Variants in PLCH1 observed in about 807,000 individuals in gnomAD.
PLCH1 encodes the protein 1-phosphatidylinositol 4,5-bisphosphate phosphodiesterase eta-1.
A neutral mutation model predicts 126.7 loss-of-function variants in PLCH1; 60 were observed. That is an observed-to-expected ratio of 0.47 (90% CI 0.38 to 0.59). The LOEUF is 0.59. PLCH1 is among the 20% of genes least tolerant of loss of function. PLCH1 has a pLI of 0.00. For missense variants in PLCH1, 1,723 were observed against 2,040.0 expected, an observed-to-expected ratio of 0.84 and a Z score of 2.99; for synonymous variants, 719 against 734.9, an observed-to-expected ratio of 0.98 and a Z score of 0.35.
intron 2 of PLCH1, among the ~76,000 whole-genome samples, chr3:155,607,608 T>A (rs940669479): frequency 2.0e-5 from 3 of 152,052 alleles, no homozygotes; most frequent in Non-Finnish European, 4.4e-5. Context: ...ACCTGGCTAA[T>A]TTTTGTATTT....
chr3:155,734,449 G>T (rs1315599551), intron 1 of PLCH1, among the ~76,000 whole-genome samples: 3 of 152,014 alleles, frequency 2.0e-5, no homozygotes, highest in Non-Finnish European at 4.4e-5. Context: ...AACAGAGTGA[G>T]ACCCTATCTC....
intron 10 of PLCH1, among the ~76,000 whole-genome samples, chr3:155,543,597 A>G (rs1274862431): frequency 6.6e-6 from 1 of 152,212 alleles, no homozygotes; most frequent in Non-Finnish European, 1.5e-5. Flanking sequence ...CAGATTCACC[A>G]AAGTTGAAAT....
Position 155,490,771 on chromosome 3 carries a change from A to G in PLCH1, c.2392+13T>C. Reference sequence around the variant, plus strand: ...CATCTTCATTAAAAAGTGAACACAGATTACCATCTTACCATTGTCATCTAC... The same window carrying G: ...CATCTTCATTAAAAAGTGAACACAGGTTACCATCTTACCATTGTCATCTAC... On this transcript the variant is annotated intron_variant, in intron 19 of 22. Coordinates refer to ENST00000460012, the MANE Select transcript of PLCH1 (RefSeq NM_014996.4). The G allele has an allele frequency of 1.4e-6, 2 of 1,412,534 alleles. No individual in the cohort carries two copies. The highest frequency in any genetic ancestry group is 2.0e-6 in the Non-Finnish European group (2 of 997,688). 87.5% of individuals were successfully genotyped at this position (1,412,534 alleles called of 1,614,324 possible).
intron 5 of PLCH1, among the ~76,000 whole-genome samples, chr3:155,585,645 T>A (rs1318476955): frequency 6.6e-6 from 1 of 152,168 alleles, no homozygotes; most frequent in Non-Finnish European, 1.5e-5. Context: ...CTCCTAATCC[T>A]CATGGATACT....
At chr3:155,584,001 TATAAA>T (rs1444871515) in intron 5 of PLCH1, among the ~76,000 whole-genome samples, 2 of 151,430 alleles carry the variant, frequency 1.3e-5, no homozygotes, top group Non-Finnish European at 2.9e-5. Context: ...TATTAAAACT[TATAAA>T]ATAACATTAG....
At chr3:155,550,266 TAA>T (rs1423124997) in intron 9 of PLCH1, among the ~76,000 whole-genome samples, 3 of 152,186 alleles carry the variant, frequency 2.0e-5, no homozygotes, top group Admixed American at 2.0e-4. Context: ...GAGAAAATTT[TAA>T]AAGAGATGAG....
chr3:155,648,474 C>T (rs1252493610), intron 2 of PLCH1, among the ~76,000 whole-genome samples: 1 of 152,152 alleles, frequency 6.6e-6, no homozygotes, highest in South Asian at 2.1e-4. Context: ...AGGCCTACTC[C>T]CCTGGTGAAC....
intron 21 of PLCH1, among the ~76,000 whole-genome samples, chr3:155,474,372 A>G (rs1174165215): frequency 2.0e-5 from 3 of 150,270 alleles, no homozygotes; most frequent in East Asian, 2.1e-4. Flanking sequence ...CAAAACCACA[A>G]TGAGATACTA....
intron 10 of PLCH1, among the ~76,000 whole-genome samples, chr3:155,526,224 C>G (rs1041119441): frequency 6.6e-6 from 1 of 152,112 alleles, no homozygotes; most frequent in Non-Finnish European, 1.5e-5. Flanking sequence ...GCAATCCCCT[C>G]CCTTTGAGCG....
chr3:155,734,062 T>C (rs1748976215), intron 1 of PLCH1, among the ~76,000 whole-genome samples: 1 of 149,554 alleles, frequency 6.7e-6, no homozygotes, highest in Non-Finnish European at 1.5e-5. Context: ...ATGGCTATTA[T>C]CAAAAAGACA....
intron 2 of PLCH1, among the ~76,000 whole-genome samples, chr3:155,640,107 C>T (rs1301368705): frequency 6.6e-6 from 1 of 152,200 alleles, no homozygotes; most frequent in Non-Finnish European, 1.5e-5. Flanking sequence ...CTTATACAAA[C>T]CTCTATCTCT....
intron 2 of PLCH1, among the ~76,000 whole-genome samples, chr3:155,640,752 T>TA (rs1739305002): frequency 1.3e-5 from 2 of 152,218 alleles, no homozygotes; most frequent in South Asian, 4.1e-4. Context: ...TCCATGATTA[T>TA]ATAATATATA....
chr3:155,657,055 TAA>T lies in PLCH1; in HGVS notation c.79+47089_79+47090del, dbSNP rs1167390418. On this transcript the variant is annotated intron_variant, in intron 2 of 22. Coordinates refer to ENST00000460012, the MANE Select transcript of PLCH1 (RefSeq NM_014996.4). ...ATATGAGTAACAACAAGGACAAGTT[TAA>T]AAAAAAAAAAAAAAAGTTTCTGCAA... 6.3e-3 allele frequency among the ~76,000 whole-genome samples: 808 copies of T among 127,524 alleles called. 9 individuals carry two copies. The highest frequency in any genetic ancestry group is 0.021 in the African/African-American group (757 of 35,470). The allele number at this position is 127,524 out of a possible 152,430, so 83.7% of individuals were successfully genotyped here. A position where few individuals can be genotyped will look rare whatever the true frequency, so the allele number is the denominator to read the frequency against.
chr3:155,550,074 C>T (rs2108448905), intron 9 of PLCH1, 116 bp from the exon 10 acceptor site: 2 of 624,188 alleles, frequency 3.2e-6, no homozygotes, highest in Non-Finnish European at 2.7e-6. Flanking sequence ...ATTTGCGATA[C>T]TGATGATGGT....
At chr3:155,651,598 G>A (rs1740724071) in intron 2 of PLCH1, among the ~76,000 whole-genome samples, 1 of 152,078 alleles carries the variant, frequency 6.6e-6, no homozygotes, top group African/African-American at 2.4e-5. Context: ...TAGTAAGAAT[G>A]TTGTATTATG....
Position 155,494,131 on chromosome 3 carries a change from T to A in PLCH1, c.2182+10A>T. ...ACACCTGCATTTATGACTATGAAAT[T>A]AATACACACCTTTGCACATTTGCTG... is the stretch of plus-strand genomic sequence containing the variant. On this transcript the variant is annotated intron_variant, in intron 17 of 22. Coordinates refer to ENST00000460012, the MANE Select transcript of PLCH1 (RefSeq NM_014996.4). The A allele has an allele frequency of 6.3e-7, 1 of 1,599,236 alleles. No individual in the cohort carries two copies. The highest frequency in any genetic ancestry group is 8.6e-7 in the Non-Finnish European group (1 of 1,166,600).
At chr3:155,598,330 G>A (rs1733254456) in intron 2 of PLCH1, among the ~76,000 whole-genome samples, 1 of 152,198 alleles carries the variant, frequency 6.6e-6, no homozygotes, top group African/African-American at 2.4e-5. Context: ...AAGCTACATA[G>A]TTGAATTCTT....
intron 2 of PLCH1, among the ~76,000 whole-genome samples, chr3:155,673,875 T>A (rs1743811530): frequency 6.6e-6 from 1 of 152,188 alleles, no homozygotes; most frequent in Non-Finnish European, 1.5e-5. Context: ...CAAAGTGTAT[T>A]TACTGTCATC....
At chr3:155,723,748 G>A (rs891400675) in intron 1 of PLCH1, among the ~76,000 whole-genome samples, 2 of 152,038 alleles carry the variant, frequency 1.3e-5, no homozygotes, top group Non-Finnish European at 2.9e-5. Context: ...AAGGTCAGGA[G>A]TTTGAGACCA....
Sources: gnomAD v4.1 joint callset for allele counts (sites outside exome capture counted in the v4.1 genomes callset) on GRCh38, gnomAD v4.1.1 for gene constraint, MANE v1.5 for transcripts, NCBI Gene and HGNC (gene_info 2026-07-23, HGNC 2026-07-21) for gene names.